Variants in RYR3 observed in about 807,000 individuals in gnomAD.
RYR3 encodes brain ryanodine receptor-calcium release channel.
In RYR3, 207 loss-of-function variants were observed where a neutral mutation model predicts 584.3. The ratio of observed to expected loss-of-function variants is 0.35; its 90% CI spans 0.32 to 0.40. The LOEUF (loss-of-function observed/expected upper bound fraction) is 0.40. RYR3 is among the 10% of genes least tolerant of loss of function. The pLI is 1.00. For missense variants in RYR3, 5,616 were observed against 6,089.2 expected (o/e 0.92, Z 2.59); for synonymous variants, 2,416 against 2,248.5 (o/e 1.07, Z -2.11).
chr15:33,758,115 T>C (rs1311684410), intron 60 of RYR3, among the ~76,000 whole-genome samples: 2 of 152,194 alleles, frequency 1.3e-5, no homozygotes, highest in Non-Finnish European at 2.9e-5. Flanking sequence ...CTGGCCCAGA[T>C]ACTGTGCTCT....
At chr15:33,816,539 C>T (rs953671154) in intron 74 of RYR3, among the ~76,000 whole-genome samples, 1 of 152,292 alleles carries the variant, frequency 6.6e-6, no homozygotes, top group East Asian at 1.9e-4. Flanking sequence ...TACTTCAGGA[C>T]TGTTACTTGG....
At chr15:33,712,450 C>A (rs2067192684) in intron 43 of RYR3, among the ~76,000 whole-genome samples, 1 of 152,086 alleles carries the variant, frequency 6.6e-6, no homozygotes, top group African/African-American at 2.4e-5. Context: ...TCAGAAGAAG[C>A]AAAATGGTTT....
chr15:33,560,880 A>C, intron 10 of RYR3, among the ~76,000 whole-genome samples: 1 of 152,096 alleles, frequency 6.6e-6, no homozygotes, highest in East Asian at 1.9e-4. Flanking sequence ...AAAAATTCAT[A>C]CTTATCCTTG....
intron 66 of RYR3, among the ~76,000 whole-genome samples, chr15:33,786,264 T>C (rs1213009829): frequency 6.6e-6 from 1 of 152,202 alleles, no homozygotes; most frequent in African/African-American, 2.4e-5. Flanking sequence ...TGAGCATTGC[T>C]TTATTTGATT....
intron 58 of RYR3, among the ~76,000 whole-genome samples, chr15:33,755,435 A>T (rs565072776): frequency 6.6e-6 from 1 of 152,112 alleles, no homozygotes; most frequent in Non-Finnish European, 1.5e-5. Flanking sequence ...CCTGGCCAAC[A>T]TGGTGAAATC....
At chr15:33,788,038 C>T (rs2074849791) in intron 66 of RYR3, among the ~76,000 whole-genome samples, 180 bp from the exon 67 acceptor site, 2 of 152,170 alleles carry the variant, frequency 1.3e-5, no homozygotes, top group African/African-American at 4.8e-5. Flanking sequence ...GCCTCGGTTC[C>T]CCATCCCTCA....
At chr15:33,319,787 G>A (rs1968700985) in intron 1 of RYR3, among the ~76,000 whole-genome samples, 1 of 152,194 alleles carries the variant, frequency 6.6e-6, no homozygotes, top group Admixed American at 6.5e-5. Context: ...TAAATCTGGA[G>A]AGAGTAGCTT....
chr15:33,644,575 C>A, intron 28 of RYR3, 56 bp downstream of exon 28: 1 of 1,386,388 alleles, frequency 7.2e-7, no homozygotes, highest in Non-Finnish European at 1.0e-6. Context: ...AGGCCCTAAG[C>A]TTGCCCTAAG....
At chr15:33,486,154 T>G (rs1426876533) in intron 2 of RYR3, among the ~76,000 whole-genome samples, 2 of 152,206 alleles carry the variant, frequency 1.3e-5, no homozygotes, top group African/African-American at 4.8e-5. Context: ...GGAATATTCA[T>G]TCATTAGTAG....
chr15:33,709,457 T>G (rs2066939795), intron 43 of RYR3, among the ~76,000 whole-genome samples: 1 of 152,230 alleles, frequency 6.6e-6, no homozygotes, highest in Admixed American at 6.5e-5. Context: ...TGCTATTGTT[T>G]AAATGTGTCC....
intron 19 of RYR3, among the ~76,000 whole-genome samples, chr15:33,622,294 C>T (rs2060765253): frequency 6.6e-6 from 1 of 152,196 alleles, no homozygotes; most frequent in Admixed American, 6.5e-5. Flanking sequence ...CCTTTCTGTT[C>T]ATCTGATCCA....
intron 67 of RYR3, among the ~76,000 whole-genome samples, chr15:33,799,458 A>T (rs1304775322): frequency 6.6e-6 from 1 of 152,110 alleles, no homozygotes; most frequent in Admixed American, 6.5e-5. Flanking sequence ...ACCCTAAGCT[A>T]TGGGGTTTGG....
intron 19 of RYR3, 150 bp from the exon 20 acceptor site, chr15:33,623,657 A>G: frequency 1.6e-6 from 1 of 623,066 alleles, no homozygotes; most frequent in South Asian, 2.0e-5. Flanking sequence ...TACATACTGG[A>G]TGATGTTTGC....
chr15:33,455,851 G>A (rs1422665838), intron 1 of RYR3, among the ~76,000 whole-genome samples: 1 of 152,104 alleles, frequency 6.6e-6, no homozygotes, highest in Admixed American at 6.5e-5. Flanking sequence ...AAACATAATG[G>A]AGGCAGGCTT....
At chr15:33,832,827 T>C (rs2077774247) in intron 86 of RYR3, among the ~76,000 whole-genome samples, 1 of 151,644 alleles carries the variant, frequency 6.6e-6, no homozygotes, top group South Asian at 2.1e-4. Flanking sequence ...CTGGCTAACA[T>C]GGTGAAACCC....
At chr15:33,537,369 A>G (rs1370164378) in intron 5 of RYR3, among the ~76,000 whole-genome samples, 1 of 151,564 alleles carries the variant, frequency 6.6e-6, no homozygotes, top group Non-Finnish European at 1.5e-5. Context: ...CTGGTTTTTT[A>G]GTTTGTTTGT....
At chr15:33,429,091 C>T (rs1161302531) in intron 1 of RYR3, among the ~76,000 whole-genome samples, 1 of 152,144 alleles carries the variant, frequency 6.6e-6, no homozygotes, top group Non-Finnish European at 1.5e-5. Context: ...TGCCTTTTCT[C>T]CTGCTCGCAT....
chr15:33,729,060 C>T, intron 47 of RYR3, 34 bp downstream of exon 47: 2 of 1,584,848 alleles, frequency 1.3e-6, no homozygotes, highest in African/African-American at 1.3e-5. Context: ...ATTATTGTTC[C>T]CATCATTGTG....
chr15:33,564,362 G>A (rs1158428563), intron 11 of RYR3, among the ~76,000 whole-genome samples: 2 of 152,198 alleles, frequency 1.3e-5, no homozygotes, highest in African/African-American at 4.8e-5. Flanking sequence ...GACATTATGA[G>A]AGTACTAGGG....
Sources: allele counts gnomAD v4.1 joint callset (sites outside exome capture counted in the v4.1 genomes callset), GRCh38; gene constraint gnomAD v4.1.1; transcripts MANE v1.5; gene names NCBI Gene and HGNC (gene_info 2026-07-23, HGNC 2026-07-21).